The following COL22A1 variants were observed in gnomAD, a reference collection of about 807,000 sequenced individuals.
COL22A1 encodes the protein collagen type XXII alpha 1 chain.
A neutral mutation model predicts 248.9 loss-of-function variants in COL22A1; 221 were observed. The observed-to-expected ratio is 0.89, with a 90% CI of 0.80 to 0.99. COL22A1 has a LOEUF of 0.99. Among genes scored for constraint, COL22A1 ranks in the 50% least tolerant of loss-of-function variants. The probability of loss-of-function intolerance (pLI) is 0.00; values close to 1 mark genes in which losing one functional copy is unlikely to be tolerated. For synonymous variants in COL22A1, 891 were observed against 793.4 expected, an observed-to-expected ratio of 1.12 and a Z score of -2.07; for missense variants, 2,240 against 2,179.0, an observed-to-expected ratio of 1.03 and a Z score of -0.56.
At chr8:138,620,988 TCCATCCAC>T (rs1330028314) in intron 52 of COL22A1, among the ~76,000 whole-genome samples, 1,848 of 126,704 alleles carry the variant, frequency 0.015, 10 homozygotes, top group African/African-American at 0.021. Context: ...CATCCATCCA[TCCATCCAC>T]CCATCCATCC....
In COL22A1 at chr8:138,616,051, C is replaced by G; in HGVS notation, c.3874G>C (p.Glu1292Gln). 1 of 1,613,114 alleles carries G rather than the reference C, an allele frequency of 6.2e-7. No homozygotes were observed. The highest frequency in any genetic ancestry group is 8.5e-7 in the Non-Finnish European group (1 of 1,179,392). Residue 1292 changes from glutamate to glutamine, a missense_variant, in exon 55 of 65, where the codon GAG becomes CAG. Physicochemically the swap from Glu to Gln is conservative, Grantham distance 29. Coordinates refer to ENST00000303045, the MANE Select transcript of COL22A1 (RefSeq NM_152888.3). ...CCAGGAAGCCCCATGGCACCAGACT[C>G]TCCCTAGGAACAAAAAAGCCTGCTA... Reference protein sequence around the residue: ...GDSGAPGPRGESGAMGLPGQE... With the variant: ...GDSGAPGPRGQSGAMGLPGQE...
chr8:138,868,702 T>A (rs1287774051), intron 3 of COL22A1, among the ~76,000 whole-genome samples: 4 of 151,112 alleles, frequency 2.6e-5, no homozygotes, highest in Non-Finnish European at 5.9e-5. Context: ...CCTCAAACAC[T>A]CTACAAGGTA....
intron 1 of COL22A1, among the ~76,000 whole-genome samples, chr8:138,888,049 G>A (rs910775710): frequency 6.6e-6 from 1 of 152,104 alleles, no homozygotes; most frequent in Non-Finnish European, 1.5e-5. Context: ...ATTTCTAAAC[G>A]TATTTTTCAT....
chr8:138,806,030 T>TGGTGTA (rs1485344726), intron 10 of COL22A1, among the ~76,000 whole-genome samples: 2 of 5,674 alleles, frequency 3.5e-4, no homozygotes, highest in Middle Eastern at 0.1. Flanking sequence ...TGGTGTGTGG[T>TGGTGTA]TGTGTGTGTG....
At position 138,644,402 on chromosome 8, in the gene COL22A1, T is replaced by C. The variant is rs116268120; in HGVS notation, c.3501+2227A>G. On this transcript the variant is annotated intron_variant, in intron 47 of 64. Coordinates refer to ENST00000303045, the MANE Select transcript of COL22A1 (RefSeq NM_152888.3). ...TATGCGGCTGCCACCACTGTGACCG[T>C]AAGGGCTAAAAAAGCTAATGTCAAA... Among the ~76,000 whole-genome samples, 1,097 of 152,228 alleles carry C rather than the reference T, an allele frequency of 7.2e-3. 11 individuals are homozygous for C. The highest frequency in any genetic ancestry group is 0.025 in the African/African-American group (1,047 of 41,532).
At position 138,619,450 on chromosome 8, in the gene COL22A1, C is replaced by T; in HGVS notation, c.3825+5G>A. ...TACCGTTCCCCACACACACTACACA[C>T]TTACAGGTGGGCCTCGGGCACCCTC... On this transcript the variant is annotated splice_donor_5th_base_variant and intron_variant, in intron 53 of 64. Coordinates refer to ENST00000303045, the MANE Select transcript of COL22A1 (RefSeq NM_152888.3). 2 of 1,613,982 alleles carry T rather than the reference C, an allele frequency of 1.2e-6. No homozygotes were observed. Among genetic ancestry groups the T allele is most frequent in the South Asian group, 1.1e-5 (1 of 91,074 alleles).
chr8:138,783,565 T>C (rs1252452308), intron 12 of COL22A1, among the ~76,000 whole-genome samples: 1 of 151,980 alleles, frequency 6.6e-6, no homozygotes, highest in East Asian at 1.9e-4. Context: ...AGATTAAGGG[T>C]GGGTCTGCCT....
At chr8:138,760,344 G>T (rs7845811) in intron 17 of COL22A1, 57 bp from the exon 18 acceptor site, 25,652 of 1,504,358 alleles carry the variant, frequency 0.017, 1,523 homozygotes, top group African/African-American at 0.15. Context: ...CGGTGGTGGG[G>T]TGTTGGGGAG....
At chr8:138,758,432 C>T (rs1833201242) in intron 18 of COL22A1, among the ~76,000 whole-genome samples, 1 of 152,168 alleles carries the variant, frequency 6.6e-6, no homozygotes, top group African/African-American at 2.4e-5. Flanking sequence ...CAACCATAGA[C>T]CCAATCCAGT....
chr8:138,818,567 C>A (rs1818861637), intron 7 of COL22A1, among the ~76,000 whole-genome samples: 1 of 152,170 alleles, frequency 6.6e-6, no homozygotes, highest in Non-Finnish European at 1.5e-5. Context: ...AGTGGAAACC[C>A]CAACTGCCAT....
intron 22 of COL22A1, among the ~76,000 whole-genome samples, chr8:138,742,816 G>A (rs370091189): frequency 2.9e-3 from 306 of 103,738 alleles, no homozygotes; most frequent in African/African-American, 0.013. Context: ...TGGTGATGGT[G>A]GAGTTGATGA....
intron 57 of COL22A1, among the ~76,000 whole-genome samples, chr8:138,607,506 C>T (rs1251361126): frequency 6.6e-6 from 1 of 152,044 alleles, no homozygotes; most frequent in Non-Finnish European, 1.5e-5. Flanking sequence ...GCTCTCTCTG[C>T]TACCTACCTG....
intron 7 of COL22A1, among the ~76,000 whole-genome samples, chr8:138,817,846 G>A (rs976713537): frequency 5.2e-4 from 79 of 152,268 alleles, no homozygotes; most frequent in Non-Finnish European, 9.1e-4. Flanking sequence ...CCTGTGGAGG[G>A]AGGGCTCATT....
In COL22A1 at chr8:138,724,610, C is replaced by T. The variant is rs762712520; in HGVS notation, c.2247+5G>A. ...GGGAGCAGGAAGATGTTTCCGAACA[C>T]TCACCGTGGGCCCAGGAGGTCCAGG... On this transcript the variant is annotated splice_donor_5th_base_variant and intron_variant, in intron 25 of 64. Coordinates refer to ENST00000303045, the MANE Select transcript of COL22A1 (RefSeq NM_152888.3). 3 of 1,614,034 alleles carry T rather than the reference C, an allele frequency of 1.9e-6. No homozygotes were observed. The highest frequency in any genetic ancestry group is 1.3e-5 in the African/African-American group (1 of 75,074).
intron 45 of COL22A1, among the ~76,000 whole-genome samples, chr8:138,653,038 C>T (rs1822902764): frequency 6.6e-6 from 1 of 152,066 alleles, no homozygotes; most frequent in Admixed American, 6.6e-5. Context: ...TGAGCCATCG[C>T]ACCCCGCCGG....
At chr8:138,631,560 T>C (rs932470181) in intron 49 of COL22A1, among the ~76,000 whole-genome samples, 1 of 152,198 alleles carries the variant, frequency 6.6e-6, no homozygotes, top group Non-Finnish European at 1.5e-5. Context: ...GGTGAAGAGA[T>C]GCACAGATGG....
intron 23 of COL22A1, among the ~76,000 whole-genome samples, chr8:138,725,706 A>G (rs1049007905): frequency 6.6e-6 from 1 of 152,126 alleles, no homozygotes; most frequent in Non-Finnish European, 1.5e-5. Flanking sequence ...TATATTCAAA[A>G]TGTTTGAACA....
chr8:138,631,084 T>C (rs1820683968), intron 49 of COL22A1, among the ~76,000 whole-genome samples: 2 of 152,156 alleles, frequency 1.3e-5, no homozygotes, highest in Admixed American at 6.5e-5. Context: ...CCTTCCTCTA[T>C]GATGGGAAGT....
chr8:138,741,337 C>T (rs922924296), intron 22 of COL22A1, among the ~76,000 whole-genome samples: 1 of 152,176 alleles, frequency 6.6e-6, no homozygotes, highest in Non-Finnish European at 1.5e-5. Flanking sequence ...GGGTGGGGTA[C>T]AAAGCTCCAA....
Sources: allele counts gnomAD v4.1 joint callset (sites outside exome capture counted in the v4.1 genomes callset), GRCh38; gene constraint gnomAD v4.1.1; transcripts MANE v1.5; gene names NCBI Gene and HGNC (gene_info 2026-07-23, HGNC 2026-07-21).